Variants in KIF26B observed in about 807,000 individuals in gnomAD.
KIF26B encodes the protein kinesin family member 26B, also known as kinesin-like protein KIF26B.
In KIF26B, 63 loss-of-function variants were observed where a neutral mutation model predicts 151.2. That is an observed-to-expected ratio of 0.42 (90% confidence interval 0.34 to 0.51). KIF26B has a LOEUF of 0.51. Ranked by LOEUF, KIF26B falls within the 20% of genes least tolerant of loss-of-function variation. KIF26B has a pLI of 0.07. For synonymous variants in KIF26B, 1,357 were observed against 1,262.1 expected (o/e 1.08, Z -1.59); for missense variants, 2,813 against 2,913.6 (o/e 0.97, Z 0.79).
At chr1:245,680,834 C>A (rs185349566) in intron 10 of KIF26B, among the ~76,000 whole-genome samples, 1 of 152,212 alleles carries the variant, frequency 6.6e-6, no homozygotes. Context: ...CGTTCCCCGC[C>A]GAGGTGGAGC....
At chr1:245,531,763 C>T (rs957934752) in intron 4 of KIF26B, among the ~76,000 whole-genome samples, 1 of 152,158 alleles carries the variant, frequency 6.6e-6, no homozygotes, top group African/African-American at 2.4e-5. Flanking sequence ...TGGTCAAGCA[C>T]CCTGTCATTA....
At chr1:245,276,340 A>C (rs1191668172) in intron 2 of KIF26B, among the ~76,000 whole-genome samples, 1 of 152,106 alleles carries the variant, frequency 6.6e-6, no homozygotes, top group African/African-American at 2.4e-5. Context: ...TTAAAAAAAA[A>C]AAATTCTCCC....
intron 2 of KIF26B, among the ~76,000 whole-genome samples, chr1:245,324,977 C>T (rs955775215): frequency 3.3e-5 from 5 of 151,690 alleles, no homozygotes; most frequent in African/African-American, 7.3e-5. Flanking sequence ...CACCTGTAAT[C>T]CCACCTACTC....
rs115366741 is a variant in KIF26B, at chr1:245,635,110, T to C, written c.2099-11011T>C. ...TGCAGGTTTTTGTGTTTTTTTTTTTTTTTCAAACAACATACTTGTTTGCTT... is the reference window on the plus strand; with the variant it reads ...TGCAGGTTTTTGTGTTTTTTTTTTTCTTTCAAACAACATACTTGTTTGCTT... On this transcript the variant is annotated intron_variant, in intron 9 of 14. Coordinates refer to ENST00000407071, the MANE Select transcript of KIF26B (RefSeq NM_018012.4). Among the ~76,000 whole-genome samples the C allele has an allele frequency of 3.6e-3, 552 of 151,562 alleles. 4 individuals are homozygous for C. The highest frequency in any genetic ancestry group is 0.012 in the African/African-American group (511 of 41,424).
chr1:245,590,208 G>A (rs780827557), intron 5 of KIF26B, among the ~76,000 whole-genome samples: 4 of 151,392 alleles, frequency 2.6e-5, no homozygotes, highest in Non-Finnish European at 5.9e-5. Context: ...ACCACCCGGC[G>A]AGTCAGAGCA....
chr1:245,419,969 G>A (rs1157513838), intron 4 of KIF26B, among the ~76,000 whole-genome samples: 1 of 152,150 alleles, frequency 6.6e-6, no homozygotes, highest in Non-Finnish European at 1.5e-5. Context: ...TCCTTGGCCT[G>A]TACCCCTCGA....
At position 245,307,569 on chromosome 1, in the gene KIF26B, C is replaced by T. The variant is rs185848715; in HGVS notation, c.466-59265C>T. On this transcript the variant is annotated intron_variant, in intron 2 of 14. Coordinates refer to ENST00000407071, the MANE Select transcript of KIF26B (RefSeq NM_018012.4). ...CACAGAGAGTGATATAACAAACAAA[C>T]CACCGCCTGTGTCTAACAAATGCTG... 3.2e-3 allele frequency among the ~76,000 whole-genome samples: 488 copies of T among 152,296 alleles called. 2 individuals are homozygous for T. Among genetic ancestry groups the T allele is most frequent in the African/African-American group, 0.011 (462 of 41,574 alleles).
At chr1:245,267,661 C>CACAG (rs1014639960) in intron 2 of KIF26B, among the ~76,000 whole-genome samples, 1 of 150,178 alleles carries the variant, frequency 6.7e-6, no homozygotes, top group Non-Finnish European at 1.5e-5. Flanking sequence ...CACACACACA[C>CACAG]ACACACACAC....
intron 9 of KIF26B, among the ~76,000 whole-genome samples, chr1:245,624,971 G>T (rs186163714): frequency 3.8e-4 from 58 of 151,950 alleles, no homozygotes; most frequent in East Asian, 1.4e-3. Flanking sequence ...GTGTTTTTTT[G>T]TGTGTGTGTA....
intron 2 of KIF26B, among the ~76,000 whole-genome samples, chr1:245,162,375 C>CTTTTTTTTTT (rs138853411): frequency 2.0e-4 from 15 of 76,532 alleles, no homozygotes; most frequent in African/African-American, 7.7e-4. Flanking sequence ...TCAGAAATAT[C>CTTTTTTTTTT]TTTTTTTTTT....
intron 10 of KIF26B, among the ~76,000 whole-genome samples, chr1:245,647,439 A>AAG (rs2043963751): frequency 7.3e-6 from 1 of 136,134 alleles, no homozygotes; most frequent in Admixed American, 7.8e-5. Flanking sequence ...AAAAAAAAAA[A>AAG]AAAAGAAAAA....
chr1:245,690,750 G>C (rs1572208793), intron 12 of KIF26B, among the ~76,000 whole-genome samples: 1 of 151,498 alleles, frequency 6.6e-6, no homozygotes, highest in South Asian at 2.1e-4. Context: ...TGGGGGGGGG[G>C]TATGCTTCAG....
At chr1:245,477,215 T>C (rs1307273079) in intron 4 of KIF26B, among the ~76,000 whole-genome samples, 3 of 151,884 alleles carry the variant, frequency 2.0e-5, no homozygotes, top group African/African-American at 7.2e-5. Context: ...CTTTTCTAAA[T>C]AAAAAACACT....
At chr1:245,175,967 T>C (rs1353187714) in intron 2 of KIF26B, among the ~76,000 whole-genome samples, 1 of 145,774 alleles carries the variant, frequency 6.9e-6, no homozygotes, top group African/African-American at 2.6e-5. Context: ...TATCTATATA[T>C]ATAGACATCT....
rs1668641435 is a variant in KIF26B, at chr1:245,167,980, G to A, written c.465+11297G>A. Reference sequence around the variant, plus strand: ...TTTAGGTGAAAAAGGACTGTCCTTGGATCTGGGGACAGAGGTGCAGTCCTG... The same window carrying A: ...TTTAGGTGAAAAAGGACTGTCCTTGAATCTGGGGACAGAGGTGCAGTCCTG... On this transcript the variant is annotated intron_variant, in intron 2 of 14. Coordinates refer to ENST00000407071, the MANE Select transcript of KIF26B (RefSeq NM_018012.4). This position sits in a 1 kb window ranked among gnomAD's most constrained non-coding sequence, Gnocchi z 4.2. 6.6e-6 allele frequency among the ~76,000 whole-genome samples: 1 copy of A among 152,178 alleles called. No individual in the cohort carries two copies. The highest frequency in any genetic ancestry group is 1.5e-5 in the Non-Finnish European group (1 of 68,038).
intron 2 of KIF26B, among the ~76,000 whole-genome samples, chr1:245,258,902 C>G (rs1259316926): frequency 6.6e-6 from 1 of 152,198 alleles, no homozygotes; most frequent in East Asian, 1.9e-4. Context: ...CGTGAGCCCT[C>G]TGCAGTGTGT....
chr1:245,254,343 C>G (rs1303278386), intron 2 of KIF26B, among the ~76,000 whole-genome samples: 1 of 152,084 alleles, frequency 6.6e-6, no homozygotes, highest in East Asian at 1.9e-4. Flanking sequence ...CAGAACTACT[C>G]AGGCGTTGTA....
chr1:245,623,960 G>A (rs772583658), intron 9 of KIF26B, among the ~76,000 whole-genome samples: 1 of 152,118 alleles, frequency 6.6e-6, no homozygotes, highest in African/African-American at 2.4e-5. Flanking sequence ...TTGGGGGAGG[G>A]ACCTGGTGGG....
intron 10 of KIF26B, among the ~76,000 whole-genome samples, chr1:245,647,147 T>C (rs1168180688): frequency 2.6e-5 from 4 of 152,132 alleles, no homozygotes; most frequent in African/African-American, 4.8e-5. Flanking sequence ...TATTGTAGGC[T>C]GGGTGCGGTG....
Sources: allele counts gnomAD v4.1 joint callset (sites outside exome capture counted in the v4.1 genomes callset), GRCh38; gene constraint gnomAD v4.1.1; non-coding constraint Gnocchi (gnomAD v3.1); transcripts MANE v1.5; gene names NCBI Gene and HGNC (gene_info 2026-07-23, HGNC 2026-07-21).